The following HDAC9 variants were observed in gnomAD, a reference collection of about 807,000 sequenced individuals.
HDAC9 encodes the protein histone deacetylase 9.
HDAC9 carries 41 observed loss-of-function variants against 139.4 expected under a neutral mutation model. That is an observed-to-expected ratio of 0.29 (90% confidence interval 0.23 to 0.38). The LOEUF (loss-of-function observed/expected upper bound fraction) is 0.38, where lower values mean the gene tolerates loss of function less well. Among genes scored for constraint, HDAC9 ranks in the 10% least tolerant of loss-of-function variants. The pLI, the probability that HDAC9 is intolerant of heterozygous loss-of-function variation, is 1.00. For synonymous variants in HDAC9, 517 were observed against 476.2 expected, an observed-to-expected ratio of 1.09 and a Z score of -1.12; for missense variants, 1,147 against 1,297.0, an observed-to-expected ratio of 0.88 and a Z score of 1.78.
intron 19 of HDAC9, 44 bp downstream of exon 19, chr7:18,829,592 A>G (rs749296288): frequency 4.1e-6 from 5 of 1,211,868 alleles, no homozygotes; most frequent in South Asian, 3.8e-5. Context: ...GATTCTAGAT[A>G]AAGGGGAGTG....
At chr7:18,167,954 A>G (rs1788119479) in intron 2 of HDAC9, among the ~76,000 whole-genome samples, 2 of 152,222 alleles carry the variant, frequency 1.3e-5, no homozygotes, top group Non-Finnish European at 2.9e-5. Context: ...GTCATTAAAA[A>G]GTTAAGTAAT....
upstream of HDAC9, among the ~76,000 whole-genome samples, chr7:18,490,952 A>T (rs1159081999): frequency 2.6e-5 from 4 of 152,046 alleles, no homozygotes; most frequent in East Asian, 7.8e-4. Context: ...TTAAGTTTTA[A>T]ATCTTACTTC....
At chr7:18,767,714 C>T (rs1036710038) in intron 16 of HDAC9, among the ~76,000 whole-genome samples, 2 of 152,092 alleles carry the variant, frequency 1.3e-5, no homozygotes, top group African/African-American at 4.8e-5. Context: ...TGTTAGAACC[C>T]AGCAACACAT....
At chr7:18,798,688 C>G (rs1170270476) in intron 17 of HDAC9, among the ~76,000 whole-genome samples, 2 of 152,088 alleles carry the variant, frequency 1.3e-5, no homozygotes, top group Non-Finnish European at 2.9e-5. Flanking sequence ...AGTGTGAAAG[C>G]CTTTTTCTTA....
intron 24 of HDAC9, among the ~76,000 whole-genome samples, chr7:18,962,451 TA>T (rs1783587053): frequency 6.6e-6 from 1 of 152,144 alleles, no homozygotes; most frequent in Non-Finnish European, 1.5e-5. Context: ...GCCCTAATAC[TA>T]GAATGTATCA....
At chr7:18,709,911 G>C (rs1046602688) in intron 12 of HDAC9, among the ~76,000 whole-genome samples, 7 of 152,134 alleles carry the variant, frequency 4.6e-5, no homozygotes, top group Non-Finnish European at 7.4e-5. Context: ...CTACACTCAG[G>C]GGTGTCTTCT....
At chr7:18,990,820 G>A (rs181672273) in intron 25 of HDAC9, among the ~76,000 whole-genome samples, 24 of 152,334 alleles carry the variant, frequency 1.6e-4, no homozygotes, top group Admixed American at 2.0e-4. Context: ...TCCAGGTGCC[G>A]TCTGTCACCC....
intron 1 of HDAC9, among the ~76,000 whole-genome samples, chr7:18,146,652 A>G (rs779977633): frequency 1.3e-5 from 2 of 152,190 alleles, no homozygotes; most frequent in Non-Finnish European, 2.9e-5. Flanking sequence ...TTTGTGTCAT[A>G]TATTTAAGTT....
intron 6 of HDAC9, among the ~76,000 whole-genome samples, chr7:18,595,292 GA>G (rs1442259921): frequency 6.6e-6 from 1 of 152,012 alleles, no homozygotes; most frequent in Non-Finnish European, 1.5e-5. Flanking sequence ...CAAAGGCAAG[GA>G]TAATTGAGTT....
At chr7:18,847,340 CTTTT>C (rs967824104) in intron 21 of HDAC9, among the ~76,000 whole-genome samples, 1 of 151,978 alleles carries the variant, frequency 6.6e-6, no homozygotes, top group Non-Finnish European at 1.5e-5. Flanking sequence ...TTGTTTGTGC[CTTTT>C]TTTCTTTTTC....
At chr7:18,692,759 G>A (rs1584854987) in intron 12 of HDAC9, among the ~76,000 whole-genome samples, 3 of 152,056 alleles carry the variant, frequency 2.0e-5, no homozygotes, top group East Asian at 3.9e-4. Flanking sequence ...AATGTCTTTC[G>A]CCAGCCATTT....
intron 12 of HDAC9, among the ~76,000 whole-genome samples, chr7:18,675,069 G>C (rs568172306): frequency 1.3e-5 from 2 of 152,016 alleles, no homozygotes; most frequent in Admixed American, 1.3e-4. Context: ...TTTTTAAAGT[G>C]AGAGCTTGGA....
At chr7:18,394,045 A>T (rs1643187444) in intron 1 of HDAC9, among the ~76,000 whole-genome samples, 1 of 152,188 alleles carries the variant, frequency 6.6e-6, no homozygotes, top group South Asian at 2.1e-4. Flanking sequence ...AGCCAAATTT[A>T]GGATTGATTT....
intron 2 of HDAC9, among the ~76,000 whole-genome samples, chr7:18,536,142 A>C (rs894746397): frequency 7.2e-5 from 11 of 152,210 alleles, no homozygotes; most frequent in African/African-American, 2.7e-4. Context: ...AGCAGCCTGC[A>C]ATGAATGACT....
chr7:18,365,242 A>G (rs1257632468), intron 1 of HDAC9, among the ~76,000 whole-genome samples: 3 of 152,084 alleles, frequency 2.0e-5, no homozygotes, highest in Non-Finnish European at 4.4e-5. Flanking sequence ...GGTGAGTGAG[A>G]TAGAACTAGA....
chr7:18,402,516 G>A (rs1787640223), intron 1 of HDAC9, among the ~76,000 whole-genome samples: 1 of 152,160 alleles, frequency 6.6e-6, no homozygotes, highest in Admixed American at 6.5e-5. Context: ...GGTGGGTGGT[G>A]AGCTGGGAGT....
At chr7:18,178,359 A>G (rs371980343) in intron 2 of HDAC9, among the ~76,000 whole-genome samples, 39 of 152,246 alleles carry the variant, frequency 2.6e-4, no homozygotes, top group African/African-American at 9.2e-4. Flanking sequence ...TGCTGGGATG[A>G]CAGGCGTGAG....
chr7:18,661,972 C>G (rs941468286), intron 11 of HDAC9, among the ~76,000 whole-genome samples: 1 of 152,126 alleles, frequency 6.6e-6, no homozygotes, highest in African/African-American at 2.4e-5. Context: ...CTGGGTACTT[C>G]AGTGACTTCA....
intron 2 of HDAC9, among the ~76,000 whole-genome samples, chr7:18,554,235 A>G (rs927259016): frequency 3.3e-5 from 5 of 152,084 alleles, no homozygotes; most frequent in Admixed American, 2.6e-4. Flanking sequence ...ACTATGTTAA[A>G]GGAATGATGC....
Sources: gnomAD v4.1 joint callset for allele counts (sites outside exome capture counted in the v4.1 genomes callset) on GRCh38, gnomAD v4.1.1 for gene constraint, MANE v1.5 for transcripts, NCBI Gene and HGNC (gene_info 2026-07-23, HGNC 2026-07-21) for gene names.